The following TUBGCP5 variants were observed in gnomAD, a reference collection of about 807,000 sequenced individuals.
The protein encoded by TUBGCP5 is gamma-tubulin complex component 5.
TUBGCP5 carries 98 observed loss-of-function variants against 134.7 expected under a neutral mutation model. That is an observed-to-expected ratio of 0.73 (90% CI 0.62 to 0.86). TUBGCP5 has a LOEUF of 0.86. Ranked by LOEUF, TUBGCP5 falls within the 40% of genes least tolerant of loss-of-function variation. TUBGCP5 has a pLI of 0.00. For missense variants in TUBGCP5, 1,150 were observed against 1,244.8 expected, an observed-to-expected ratio of 0.92 and a Z score of 1.15; for synonymous variants, 456 against 431.4, an observed-to-expected ratio of 1.06 and a Z score of -0.71.
chr15:22,988,440 T>G (rs2140339443), intron 23 of TUBGCP5, among the ~76,000 whole-genome samples: 1 of 151,912 alleles, frequency 6.6e-6, no homozygotes, highest in East Asian at 2.0e-4. Context: ...ATAATTAATA[T>G]CTGGTTTTTT....
downstream of TUBGCP5, among the ~76,000 whole-genome samples, chr15:22,994,324 C>T (rs2063973104): frequency 6.7e-6 from 1 of 148,676 alleles, no homozygotes; most frequent in Admixed American, 6.7e-5. Flanking sequence ...TCGTGACCTC[C>T]AATAATCCGC....
intron 11 of TUBGCP5, 152 bp from the exon 12 acceptor site, chr15:23,019,486 T>C: frequency 1.6e-6 from 1 of 615,556 alleles, no homozygotes; most frequent in Non-Finnish European, 2.9e-6. Context: ...AAACATACAC[T>C]ATAAAATCCT....
At position 22,983,779 on chromosome 15, in the gene TUBGCP5, T is replaced by G. The variant is rs1313021528; in HGVS notation, c.*62-168A>C. ...CCCTCCTCTGAGTTCCAGTTACTCATGGTCAACCATAGTCTGAAAATAGGT... is the reference window on the plus strand; with the variant it reads ...CCCTCCTCTGAGTTCCAGTTACTCAGGGTCAACCATAGTCTGAAAATAGGT... On this transcript the variant is annotated intron_variant and NMD_transcript_variant, in intron 23 of 23. Transcript: ENST00000614508. Among the ~76,000 whole-genome samples the G allele has an allele frequency of 2.0e-5, 3 of 152,172 alleles. No homozygotes were observed. In the East Asian group the frequency reaches 5.8e-4, roughly 29 times the overall value.
chr15:23,017,193 G>A (rs1039067469), intron 13 of TUBGCP5, among the ~76,000 whole-genome samples: 5 of 151,858 alleles, frequency 3.3e-5, no homozygotes, highest in African/African-American at 1.2e-4. Flanking sequence ...AAGGGAGAAA[G>A]AGGAAGATAT....
chr15:22,997,580 TTTG>T (rs745483898), downstream of TUBGCP5, among the ~76,000 whole-genome samples: 10 of 152,132 alleles, frequency 6.6e-5, no homozygotes, highest in East Asian at 7.8e-4. Context: ...ACTTCCACAT[TTTG>T]TTGTTTCCAG....
rs185161982 is a variant in TUBGCP5 at position 23,000,948 on chromosome 15, T to C, written c.2928-279A>G. On this transcript the variant is annotated intron_variant, in intron 21 of 22. Transcript: ENST00000615383. ...ACCAAAGATACTCCCTTTTCCTTTATACAGTCTTGTTTTTATTGTTTACAA... is the reference window on the plus strand; with the variant it reads ...ACCAAAGATACTCCCTTTTCCTTTACACAGTCTTGTTTTTATTGTTTACAA... 2.0e-5 allele frequency among the ~76,000 whole-genome samples: 3 copies of C among 152,330 alleles called. No homozygotes were observed. The East Asian group carries it at 5.8e-4, about 29-fold the overall frequency.
chr15:23,010,749 T>C (rs2064988081), intron 14 of TUBGCP5, among the ~76,000 whole-genome samples: 1 of 151,914 alleles, frequency 6.6e-6, no homozygotes, highest in East Asian at 1.9e-4. Context: ...GAGGCCGAGG[T>C]GGGCAGATCA....
At position 22,991,339 on chromosome 15, in the gene TUBGCP5, G is replaced by A. The variant is rs185738234; in HGVS notation, c.*61+5506C>T. Among the ~76,000 whole-genome samples, 9 of 152,154 alleles carry A rather than the reference G, an allele frequency of 5.9e-5. No individual in the cohort carries two copies. The East Asian group carries it at 7.7e-4, about 13-fold the overall frequency. The stretch of plus-strand genomic sequence containing the variant: ...TCGAACTCATGACCTCAGGTGATCC[G>A]CCTGCCTCGGCCTCCCAAAGTGCTG... On this transcript the variant is annotated intron_variant and NMD_transcript_variant, in intron 23 of 23. Coordinates refer to the TUBGCP5 transcript ENST00000614508.
At chr15:23,006,497 T>G in intron 16 of TUBGCP5, 145 bp from the exon 17 acceptor site, 1 of 659,832 alleles carries the variant, frequency 1.5e-6, no homozygotes, top group East Asian at 2.9e-5. Context: ...CCAACAAATG[T>G]ATCTCTTCTA....
chr15:23,011,680 AT>A (rs1304680437), intron 13 of TUBGCP5, among the ~76,000 whole-genome samples: 1 of 148,384 alleles, frequency 6.7e-6, no homozygotes, highest in Non-Finnish European at 1.5e-5. Context: ...AATTTTATAT[AT>A]TTGTTTTTTA....
At chr15:23,036,849 T>C (rs182669068) in intron 3 of TUBGCP5, 48 bp downstream of exon 3, 7 of 1,223,054 alleles carry the variant, frequency 5.7e-6, no homozygotes, top group African/African-American at 3.0e-5. Context: ...GATAATCAGA[T>C]AGGAAACAGT....
intron 23 of TUBGCP5, among the ~76,000 whole-genome samples, chr15:22,990,504 A>G (rs2063814505): frequency 6.6e-6 from 1 of 152,166 alleles, no homozygotes. Flanking sequence ...AGGTAGAAAA[A>G]CAAATACCAG....
chr15:22,991,132 G>A (rs147168738), intron 23 of TUBGCP5, among the ~76,000 whole-genome samples: 1,833 of 150,770 alleles, frequency 0.012, 13 homozygotes, highest in African/African-American at 0.027. Flanking sequence ...GGAGTCTCGC[G>A]CGCTCACCAG....
At chr15:23,007,868 G>A (rs1169088890) in intron 16 of TUBGCP5, among the ~76,000 whole-genome samples, 1 of 152,126 alleles carries the variant, frequency 6.6e-6, no homozygotes, top group Admixed American at 6.6e-5. Flanking sequence ...CCTGGTGAGG[G>A]TCAAGTCCGT....
Position 23,003,061 on chromosome 15 carries a change from T to G in TUBGCP5, c.2927+4A>C. On this transcript the variant is annotated splice_donor_region_variant and intron_variant, in intron 21 of 22. Coordinates refer to ENST00000615383, the MANE Select transcript of TUBGCP5 (RefSeq NM_052903.6). ...TGCAGATGCTGCAGAAATCACATACTTACCGCCAAGTGCCCAGGCCTGCCT... is the reference window on the plus strand; with the variant it reads ...TGCAGATGCTGCAGAAATCACATACGTACCGCCAAGTGCCCAGGCCTGCCT... 6.2e-7 allele frequency: 1 copy of G among 1,613,984 alleles called. No homozygotes were observed. The highest frequency in any genetic ancestry group is 8.5e-7 in the Non-Finnish European group (1 of 1,179,904).
rs202246817 is a variant in TUBGCP5, at chr15:23,005,499, C to T, written c.2645G>A (p.Arg882His). The change falls in exon 19 of 23, where the codon CGC becomes CAC. Residue 882 changes from arginine to histidine, a missense_variant. This residue lies in a region of TUBGCP5 where 697 missense variants were observed against 850.1 expected (regional missense o/e 0.82). Coordinates refer to ENST00000615383, the MANE Select transcript of TUBGCP5 (RefSeq NM_052903.6). ...GAGCTTCACTCTTAAGAGGAACATG[C>T]GATGAATCTGCTGTCTTACTGGTTC... is the stretch of plus-strand genomic sequence containing the variant. ...QKEPVRQQIH[R>H]MFLLRVKLMH... 118 of 1,614,040 alleles carry T rather than the reference C, an allele frequency of 7.3e-5. No homozygotes were observed. The highest frequency in any genetic ancestry group is 3.3e-4 in the Middle Eastern group (2 of 6,084).
At position 23,020,184 on chromosome 15, in the gene TUBGCP5, G is replaced by A. The variant is rs184526171; in HGVS notation, c.1372-850C>T. On this transcript the variant is annotated intron_variant, in intron 11 of 22. Coordinates refer to ENST00000615383, the MANE Select transcript of TUBGCP5 (RefSeq NM_052903.6). Reference sequence around the variant, plus strand: ...AGCACTTTGGAAGGCCGAGGTAGGCGGATCAGGAGGTCAGGAGCTCGAGAC... The same window carrying A: ...AGCACTTTGGAAGGCCGAGGTAGGCAGATCAGGAGGTCAGGAGCTCGAGAC... Among the ~76,000 whole-genome samples the A allele has an allele frequency of 4.3e-4, 65 of 151,160 alleles. No individual in the cohort carries two copies. The East Asian group carries it at 0.011, about 25-fold the overall frequency.
intron 13 of TUBGCP5, 54 bp from the exon 14 acceptor site, chr15:23,011,385 G>T: frequency 8.0e-7 from 1 of 1,247,198 alleles, no homozygotes; most frequent in Non-Finnish European, 1.1e-6. Flanking sequence ...ATCATATTAA[G>T]TAACATTCTG....
intron 16 of TUBGCP5, 55 bp from the exon 17 acceptor site, chr15:23,006,407 G>T: frequency 7.8e-7 from 1 of 1,276,294 alleles, no homozygotes; most frequent in Admixed American, 2.4e-5. Flanking sequence ...ACACAAAAAT[G>T]CTCTTTTAAA....
Sources: allele counts gnomAD v4.1 joint callset (sites outside exome capture counted in the v4.1 genomes callset), GRCh38; gene constraint gnomAD v4.1.1; regional missense constraint gnomAD v4.1.1; transcripts MANE v1.5; gene names NCBI Gene and HGNC (gene_info 2026-07-23, HGNC 2026-07-21).